The following SHISA6 variants were observed in gnomAD, a reference collection of about 807,000 sequenced individuals.
The protein encoded by SHISA6 is protein shisa-6.
A neutral mutation model predicts 47.9 loss-of-function variants in SHISA6; 22 were observed. The observed-to-expected ratio is 0.46, with a 90% CI of 0.33 to 0.66. SHISA6 has a LOEUF of 0.66. Among genes scored for constraint, SHISA6 ranks in the 30% least tolerant of loss-of-function variants. The probability of loss-of-function intolerance (pLI) is 0.02; values close to 1 mark genes in which losing one functional copy is unlikely to be tolerated. For synonymous variants in SHISA6, 388 were observed against 337.8 expected (o/e 1.15, Z -1.63); for missense variants, 680 against 764.6 (o/e 0.89, Z 1.30).
At chr17:11,274,912 G>C (rs1477960186) in intron 2 of SHISA6, among the ~76,000 whole-genome samples, 2 of 152,170 alleles carry the variant, frequency 1.3e-5, no homozygotes, top group Non-Finnish European at 2.9e-5. Context: ...TTGAATGGGC[G>C]AGGAGGAGAG....
intron 3 of SHISA6, among the ~76,000 whole-genome samples, chr17:11,488,719 T>A (rs1916408042): frequency 2.0e-5 from 3 of 152,158 alleles, no homozygotes; most frequent in Admixed American, 2.0e-4. Context: ...AGAGTGTGCA[T>A]CCTTTCCAGT....
chr17:11,458,362 T>C (rs1485030754), intron 3 of SHISA6, among the ~76,000 whole-genome samples: 1 of 152,154 alleles, frequency 6.6e-6, no homozygotes, highest in Non-Finnish European at 1.5e-5. Flanking sequence ...CTCTCTTTGT[T>C]CTTCACTCTC....
At chr17:11,467,105 C>T (rs1209895638) in intron 3 of SHISA6, among the ~76,000 whole-genome samples, 4 of 152,144 alleles carry the variant, frequency 2.6e-5, no homozygotes, top group Middle Eastern at 3.2e-3. Context: ...TTATGGGGAA[C>T]GTTATCAAGA....
intron 2 of SHISA6, among the ~76,000 whole-genome samples, chr17:11,291,074 G>C (rs1338926919): frequency 6.6e-6 from 1 of 151,520 alleles, no homozygotes; most frequent in Non-Finnish European, 1.5e-5. Flanking sequence ...TAATCCAGTA[G>C]CTATGTATTC....
intron 2 of SHISA6, among the ~76,000 whole-genome samples, chr17:11,372,220 A>G (rs1333866394): frequency 6.6e-6 from 1 of 152,208 alleles, no homozygotes; most frequent in African/African-American, 2.4e-5. Flanking sequence ...ACTATTTGCA[A>G]TGAATCCTGC....
intron 3 of SHISA6, among the ~76,000 whole-genome samples, chr17:11,418,208 T>TA (rs1914341959): frequency 1.3e-5 from 2 of 151,734 alleles, no homozygotes; most frequent in Admixed American, 6.6e-5. Flanking sequence ...GAATTTTTTT[T>TA]AAAAAAATCT....
chr17:11,340,980 C>T (rs1456392908), intron 2 of SHISA6, among the ~76,000 whole-genome samples: 2 of 152,194 alleles, frequency 1.3e-5, no homozygotes, highest in Non-Finnish European at 2.9e-5. Flanking sequence ...CTGGAGGTGA[C>T]CCTCAGCCAA....
intron 3 of SHISA6, among the ~76,000 whole-genome samples, chr17:11,490,021 G>A (rs1916435777): frequency 6.6e-6 from 1 of 152,106 alleles, no homozygotes. Flanking sequence ...CTCAGCTACA[G>A]GCAAATGAAA....
chr17:11,258,882 G>T (rs1253054243), intron 1 of SHISA6, among the ~76,000 whole-genome samples: 1 of 152,192 alleles, frequency 6.6e-6, no homozygotes, highest in Non-Finnish European at 1.5e-5. Context: ...CTTGTGTTCA[G>T]GGACCATTAC....
At chr17:11,536,021 TAGAG>T (rs2142375333) in intron 3 of SHISA6, among the ~76,000 whole-genome samples, 1 of 151,910 alleles carries the variant, frequency 6.6e-6, no homozygotes, top group South Asian at 2.1e-4. Flanking sequence ...TAGATATATA[TAGAG>T]AGAGAAAGTG....
intron 2 of SHISA6, among the ~76,000 whole-genome samples, chr17:11,273,733 C>A (rs148858082): frequency 6.6e-6 from 1 of 152,278 alleles, no homozygotes; most frequent in Non-Finnish European, 1.5e-5. Flanking sequence ...GGCAGCCTGC[C>A]CGCAGGCGCA....
chr17:11,455,193 CAA>C (rs370108497), intron 3 of SHISA6, among the ~76,000 whole-genome samples: 2 of 147,432 alleles, frequency 1.4e-5, no homozygotes, highest in Non-Finnish European at 2.9e-5. Context: ...AACAAACAAA[CAA>C]AAAAAACAGT....
At chr17:11,248,958 T>C (rs1481424127) in intron 1 of SHISA6, among the ~76,000 whole-genome samples, 1 of 151,756 alleles carries the variant, frequency 6.6e-6, no homozygotes, top group East Asian at 1.9e-4. Context: ...GCTAACACGG[T>C]GAAACCTCGT....
At chr17:11,413,882 C>T (rs1175929894) in intron 3 of SHISA6, among the ~76,000 whole-genome samples, 1 of 152,158 alleles carries the variant, frequency 6.6e-6, no homozygotes, top group Non-Finnish European at 1.5e-5. Flanking sequence ...AGGCGCTGCG[C>T]AGTCACAGTG....
chr17:11,540,691 T>C (rs1207876051), intron 3 of SHISA6, among the ~76,000 whole-genome samples: 4 of 152,192 alleles, frequency 2.6e-5, no homozygotes, highest in Non-Finnish European at 4.4e-5. Context: ...AAATAACTAA[T>C]AAAATGGGTT....
chr17:11,397,382 C>T (rs187030821), intron 3 of SHISA6, among the ~76,000 whole-genome samples: 21 of 120,680 alleles, frequency 1.7e-4, no homozygotes, highest in Admixed American at 1.0e-3. Flanking sequence ...AATGTCTACT[C>T]TCTTACCTGC....
intron 2 of SHISA6, among the ~76,000 whole-genome samples, chr17:11,372,584 A>G (rs560619971): frequency 5.8e-4 from 87 of 150,076 alleles, no homozygotes; most frequent in African/African-American, 2.0e-3. Context: ...CAGTTTTTGT[A>G]TATTTTTAAT....
chr17:11,276,188 G>A (rs1043434547), intron 2 of SHISA6, among the ~76,000 whole-genome samples: 1 of 152,036 alleles, frequency 6.6e-6, no homozygotes, highest in South Asian at 2.1e-4. Context: ...ATGTCGACCA[G>A]GCTGGTCTTA....
At chr17:11,540,239 T>C (rs2071822087) in intron 3 of SHISA6, among the ~76,000 whole-genome samples, 1 of 152,226 alleles carries the variant, frequency 6.6e-6, no homozygotes, top group African/African-American at 2.4e-5. Flanking sequence ...TCAGTGCTCC[T>C]GGATGCTGAC....
Sources: allele counts gnomAD v4.1 joint callset (sites outside exome capture counted in the v4.1 genomes callset), GRCh38; gene constraint gnomAD v4.1.1; transcripts MANE v1.5; gene names NCBI Gene and HGNC (gene_info 2026-07-23, HGNC 2026-07-21).